The following RFX1 variants were observed in gnomAD, a reference collection of about 807,000 sequenced individuals.
The protein encoded by RFX1 is regulatory factor X1.
A neutral mutation model predicts 119.6 loss-of-function variants in RFX1; 42 were observed. The ratio of observed to expected loss-of-function variants is 0.35; its 90% CI spans 0.27 to 0.45. The LOEUF is 0.45. Among genes scored for constraint, RFX1 ranks in the 20% least tolerant of loss-of-function variants. RFX1 has a pLI of 1.00. For missense variants in RFX1, 1,118 were observed against 1,368.1 expected (o/e 0.82, Z 2.88); for synonymous variants, 628 against 618.5 (o/e 1.02, Z -0.23).
At chr19:14,003,971 T>C (rs1975294818) in intron 1 of RFX1, among the ~76,000 whole-genome samples, 1 of 152,082 alleles carries the variant, frequency 6.6e-6, no homozygotes, top group Non-Finnish European at 1.5e-5. Flanking sequence ...CAGTGGCCTG[T>C]GATCTCAGCT....
chr19:13,973,105 G>A lies in RFX1; in HGVS notation c.952C>T (p.Pro318Ser), dbSNP rs1299787267. The change falls in exon 9 of 21, where the codon CCC becomes TCC. Residue 318 changes from proline (P) to serine (S), a missense_variant. Physicochemically the swap from Pro to Ser is moderately conservative, Grantham distance 74. Around this residue, in one of 5 missense-constraint regions of RFX1, gnomAD observed 542 missense variants for 602.7 expected, o/e 0.90. Transcript: ENST00000254325. ...SAIRSSTYSY[P>S]ETPLYTQTAS... ...GTCTGCGTGTACAGCGGCGTCTCGG[G>A]ATAGGAGTAGGTGCTGGAACGGCTG... 5 of 1,599,078 alleles carry A rather than the reference G, an allele frequency of 3.1e-6. No individual in the cohort carries two copies. The Admixed American group carries it at 8.3e-5, about 27-fold the overall frequency.
intron 1 of RFX1, among the ~76,000 whole-genome samples, chr19:13,999,361 G>A (rs1015923634): frequency 1.3e-5 from 2 of 152,134 alleles, no homozygotes; most frequent in African/African-American, 4.8e-5. Flanking sequence ...CTTTAAATGA[G>A]GGCTCGGCAA....
At chr19:13,963,492 G>T in intron 18 of RFX1, 46 bp downstream of exon 18, 1 of 1,528,626 alleles carries the variant, frequency 6.5e-7, no homozygotes, top group Non-Finnish European at 8.8e-7. Context: ...CAGGGACGCG[G>T]GGCCTTCCCT....
chr19:13,980,059 T>C lies in RFX1; in HGVS notation c.738+514A>G, dbSNP rs1568469340. 1.3e-5 allele frequency among the ~76,000 whole-genome samples: 2 copies of C among 152,032 alleles called. No individual in the cohort carries two copies. Reference sequence around the variant, plus strand: ...CTGGGACAGGGTTTCTGTTTACACTTGGGGAAGGGTCTATGGATTTCATCT... The same window carrying C: ...CTGGGACAGGGTTTCTGTTTACACTCGGGGAAGGGTCTATGGATTTCATCT... On this transcript the variant is annotated intron_variant, in intron 6 of 20. Transcript: ENST00000254325. This position sits in a 1 kb window ranked among gnomAD's most constrained non-coding sequence, Gnocchi z 5.1.
At chr19:13,984,379 C>G (rs368462675) in intron 2 of RFX1, among the ~76,000 whole-genome samples, 7 of 152,186 alleles carry the variant, frequency 4.6e-5, no homozygotes, top group African/African-American at 1.7e-4. Flanking sequence ...GCCTGCCTGC[C>G]CTCTTGGAAA....
In RFX1 at chr19:13,962,745, C is replaced by G; in HGVS notation, c.2890G>C (p.Ala964Pro). The change falls in exon 21 of 21, where the codon GCG (alanine) becomes CCG (proline). Residue 964 changes from alanine to proline, a missense_variant. By Grantham distance (27) the Ala-to-Pro change is conservative. Coordinates refer to ENST00000254325, the MANE Select transcript of RFX1 (RefSeq NM_002918.5). The part of the protein sequence containing the change: ...PETLEPPAKL[A>P]RTDARGLFVQ... Reference sequence around the variant, plus strand: ...AAGAGGCCGCGCGCGTCAGTCCGCGCCAGCTTGGCCGGCGGCTCCAGGGTC... The same window carrying G: ...AAGAGGCCGCGCGCGTCAGTCCGCGGCAGCTTGGCCGGCGGCTCCAGGGTC... The G allele has an allele frequency of 6.5e-7, 1 of 1,530,628 alleles. No individual in the cohort carries two copies. Among genetic ancestry groups the G allele is most frequent in the South Asian group, 1.2e-5 (1 of 83,600 alleles). The allele number at this position is 1,530,628 out of a possible 1,614,324, so 94.8% of individuals were successfully genotyped here. A position where few individuals can be genotyped will look rare whatever the true frequency, so the allele number is the denominator to read the frequency against.
chr19:13,975,230 G>A (rs934827051), intron 8 of RFX1, among the ~76,000 whole-genome samples: 55 of 151,810 alleles, frequency 3.6e-4, no homozygotes, highest in African/African-American at 1.2e-3. Flanking sequence ...GGTGGTGGGC[G>A]CCTGTAATCC....
In RFX1 at chr19:13,962,802, C is replaced by T; in HGVS notation, c.2833G>A (p.Ala945Thr). ...DELPQDISLA[A>T]GGESPALGPE... is the part of the protein sequence containing the mutation. ...CCCAGCGCGGGTGACTCGCCGCCAG[C>T]CGCCAGTGAGATGTCCTGCGGCAGC... is the stretch of plus-strand genomic sequence containing the variant. The change falls in exon 21 of 21, where the codon GCT becomes ACT. Residue 945 changes from alanine (A) to threonine (T), a missense_variant. Coordinates refer to ENST00000254325, the MANE Select transcript of RFX1 (RefSeq NM_002918.5). 1 of 1,530,242 alleles carries T rather than the reference C, an allele frequency of 6.5e-7. No homozygotes were observed. The allele number at this position is 1,530,242 out of a possible 1,614,324, so 94.8% of individuals were successfully genotyped here. A position where few individuals can be genotyped will look rare whatever the true frequency, so the allele number is the denominator to read the frequency against.
rs1463220432 is a variant in RFX1, at chr19:13,990,506, C to T, written c.319+3019G>A. ...GACCAGCCTGGGCAACATAGTGAGACTCTGTCTCTACAAAAAAATTAAAAG... is the reference window on the plus strand; with the variant it reads ...GACCAGCCTGGGCAACATAGTGAGATTCTGTCTCTACAAAAAAATTAAAAG... On this transcript the variant is annotated intron_variant, in intron 2 of 20. Transcript: ENST00000254325. The surrounding 1 kb of genome is among the most constrained non-coding windows in gnomAD (Gnocchi z 4.1). Among the ~76,000 whole-genome samples the T allele has an allele frequency of 6.6e-6, 1 of 151,310 alleles. No homozygotes were observed. Among genetic ancestry groups the T allele is most frequent in the Non-Finnish European group, 1.5e-5 (1 of 67,804 alleles).
intron 1 of RFX1, among the ~76,000 whole-genome samples, chr19:13,994,771 A>T (rs1195019205): frequency 6.8e-6 from 1 of 147,414 alleles, no homozygotes; most frequent in Non-Finnish European, 1.5e-5. Flanking sequence ...TTTTTTACTT[A>T]TATATTGAAA....
intron 1 of RFX1, among the ~76,000 whole-genome samples, chr19:13,995,915 C>G (rs1421201459): frequency 6.7e-6 from 1 of 150,150 alleles, no homozygotes; most frequent in Non-Finnish European, 1.5e-5. Context: ...GTAATCCCAG[C>G]TACTCAGGAG....
rs115649661 is a variant in RFX1 at position 13,986,037 on chromosome 19, T to A, written c.320-2442A>T. On this transcript the variant is annotated intron_variant, in intron 2 of 20. Transcript: ENST00000254325. The surrounding 1 kb of genome is among the most constrained non-coding windows in gnomAD (Gnocchi z 4.2). Reference sequence around the variant, plus strand: ...TTTTGCTGGAATCTTCCCTGGCATCTGCTTTAGGCTTCCCAGCCCTGAGCC... The same window carrying A: ...TTTTGCTGGAATCTTCCCTGGCATCAGCTTTAGGCTTCCCAGCCCTGAGCC... Among the ~76,000 whole-genome samples the A allele has an allele frequency of 0.015, 2,257 of 152,332 alleles. 54 individuals carry two copies. Among genetic ancestry groups the A allele is most frequent in the African/African-American group, 0.051 (2,105 of 41,568 alleles).
chr19:13,997,482 A>T (rs1277970586), intron 1 of RFX1, among the ~76,000 whole-genome samples: 1 of 152,238 alleles, frequency 6.6e-6, no homozygotes, highest in Non-Finnish European at 1.5e-5. Context: ...GGCATGCTGT[A>T]AGCACGCAGG....
At chr19:13,993,475 T>C in intron 2 of RFX1, 50 bp downstream of exon 2, 1 of 1,554,484 alleles carries the variant, frequency 6.4e-7, no homozygotes, top group Non-Finnish European at 8.8e-7. Flanking sequence ...GTCTAGGCTA[T>C]CTGAACAACT....
At chr19:14,003,205 C>T (rs944397436) in intron 1 of RFX1, among the ~76,000 whole-genome samples, 5 of 152,180 alleles carry the variant, frequency 3.3e-5, no homozygotes, top group African/African-American at 1.2e-4. Flanking sequence ...AGGCTGGTCT[C>T]CAACTCTTTA....
Position 13,968,799 on chromosome 19 carries a change from C to G in RFX1, c.1592G>C (p.Gly531Ala). The change falls in exon 11 of 21, where the codon GGC becomes GCC. Residue 531 changes from glycine to alanine, a missense_variant. By Grantham distance (60) the Gly-to-Ala change is moderately conservative. This residue lies in a region of RFX1 where 338 missense variants were observed against 508.9 expected (regional missense o/e 0.66). Transcript: ENST00000254325. The surrounding 1 kb of genome is among the most constrained non-coding windows in gnomAD (Gnocchi z 5.5). ...MEDQQHMAMR[G>A]QPFSQKQRLK... ...CCTCTGCTTCTGCGAGAAGGGCTGGCCCCGCATGGCCATGTGCTGCTGGTC... is the reference window on the plus strand; with the variant it reads ...CCTCTGCTTCTGCGAGAAGGGCTGGGCCCGCATGGCCATGTGCTGCTGGTC... 1 of 1,576,774 alleles carries G rather than the reference C, an allele frequency of 6.3e-7. No homozygotes were observed. Among genetic ancestry groups the G allele is most frequent in the East Asian group, 2.3e-5 (1 of 42,840 alleles).
Position 13,972,977 on chromosome 19 carries a change from C to T in RFX1, c.1080G>A (p.Val360=), listed in dbSNP as rs1437342617. The change falls in exon 9 of 21, where the codon GTG becomes GTA. Residue 360 remains valine (V), a synonymous_variant. Transcript: ENST00000254325. ...AGCTGGCGACGACCTGGCTGCCGGA[C>T]ACGTACATGGGCATGGAGCCACTGC... is the stretch of plus-strand genomic sequence containing the variant. The part of the protein sequence containing the change: ...VASSGSMPMY[V]SGSQVVASST... 11 of 1,600,116 alleles carry T rather than the reference C, an allele frequency of 6.9e-6. No homozygotes were observed. The highest frequency in any genetic ancestry group is 8.5e-6 in the Non-Finnish European group (10 of 1,179,614).
intron 2 of RFX1, 106 bp from the exon 3 acceptor site, chr19:13,983,701 A>G (rs904365090): frequency 7.7e-6 from 7 of 904,272 alleles, no homozygotes; most frequent in Non-Finnish European, 1.2e-5. Context: ...ACCCCCAGCA[A>G]GGTCAGGCCC....
chr19:13,983,575 C>T lies in RFX1; in HGVS notation c.340G>A (p.Glu114Lys), dbSNP rs778216455. The part of the protein sequence containing the change: ...TVSEGAMRAS[E>K]TVSEASPGST... ...CCGGGGCTGGCCTCCGACACTGTCT[C>T]GCTGGCCCGCATGGCACCTTCTGTG... The change falls in exon 3 of 21, where the codon GAG becomes AAG. Residue 114 changes from glutamate to lysine, a missense_variant. This residue lies in a region of RFX1 where 542 missense variants were observed against 602.7 expected (regional missense o/e 0.90). Coordinates refer to ENST00000254325, the MANE Select transcript of RFX1 (RefSeq NM_002918.5). The T allele has an allele frequency of 4.4e-6, 7 of 1,606,650 alleles. No individual in the cohort carries two copies. The highest frequency in any genetic ancestry group is 1.3e-5 in the African/African-American group (1 of 74,888).
Sources: allele counts gnomAD v4.1 joint callset (sites outside exome capture counted in the v4.1 genomes callset), GRCh38; gene constraint gnomAD v4.1.1; regional missense constraint gnomAD v4.1.1; non-coding constraint Gnocchi (gnomAD v3.1); transcripts MANE v1.5; gene names NCBI Gene and HGNC (gene_info 2026-07-23, HGNC 2026-07-21).